Variants in ATP10A observed in about 807,000 individuals in gnomAD.
ATP10A encodes ATPase phospholipid transporting 10A (putative), also known as phospholipid-transporting ATPase VA.
Under a neutral mutation model 147.8 loss-of-function variants are expected in ATP10A, and 111 were observed. The ratio of observed to expected loss-of-function variants is 0.75; its 90% CI spans 0.64 to 0.88. The LOEUF is 0.88. Among genes scored for constraint, ATP10A ranks in the 40% least tolerant of loss-of-function variants. The pLI is 0.00. For missense variants in ATP10A, 1,927 were observed against 1,959.0 expected, an observed-to-expected ratio of 0.98 and a Z score of 0.31; for synonymous variants, 875 against 841.6, an observed-to-expected ratio of 1.04 and a Z score of -0.69.
intron 1 of ATP10A, among the ~76,000 whole-genome samples, chr15:25,806,453 T>C (rs1157816826): frequency 2.6e-5 from 4 of 151,906 alleles, no homozygotes; most frequent in South Asian, 2.1e-4. Context: ...CCTGGGACTA[T>C]AGGCGCCTGC....
intron 13 of ATP10A, 112 bp downstream of exon 13, chr15:25,701,804 G>T: frequency 9.3e-7 from 1 of 1,070,862 alleles, no homozygotes; most frequent in Non-Finnish European, 1.3e-6. Context: ...GAATGCGGAG[G>T]GTGAGGTCCT....
intron 12 of ATP10A, among the ~76,000 whole-genome samples, chr15:25,704,674 A>G (rs1356191046): frequency 6.6e-6 from 1 of 152,196 alleles, no homozygotes; most frequent in East Asian, 1.9e-4. Flanking sequence ...CTGAAAAAGG[A>G]GTTATGGGAG....
In ATP10A at chr15:25,683,422, T is replaced by G. The variant is rs1479575140; in HGVS notation, c.3356A>C (p.Asp1119Ala). 1.2e-6 allele frequency: 2 copies of G among 1,613,850 alleles called. No individual in the cohort carries two copies. The highest frequency in any genetic ancestry group is 1.7e-6 in the Non-Finnish European group (2 of 1,180,010). ...ATTAAAGAAGATTAGATACCACTGGTCAATCATGGTAGATGCAGAGAAGCC... is the reference window on the plus strand; with the variant it reads ...ATTAAAGAAGATTAGATACCACTGGGCAATCATGGTAGATGCAGAGAAGCC... ...FCGFSASTMI[D>A]QWYLIFFNLL... Residue 1119 changes from aspartate (D) to alanine (A), a missense_variant, in exon 17 of 21, where the codon GAC becomes GCC. Asp to Ala is a moderately radical substitution (Grantham distance 126). Transcript: ENST00000555815.
chr15:25,810,170 C>T lies in ATP10A; in HGVS notation c.450-28947G>A, dbSNP rs541004670. Among the ~76,000 whole-genome samples, 4 of 152,168 alleles carry T rather than the reference C, an allele frequency of 2.6e-5. No homozygotes were observed. In the South Asian group the frequency reaches 8.3e-4, roughly 32 times the overall value. On this transcript the variant is annotated intron_variant, in intron 1 of 20. Coordinates refer to ENST00000555815, the MANE Select transcript of ATP10A (RefSeq NM_024490.4). ...GGACGTGTTGGGGAGATGATGGATG[C>T]GGGGCTAGAGCAGGAAAACCATTCT... is the stretch of plus-strand genomic sequence containing the variant.
At chr15:25,687,971 A>G (rs2140300446) in intron 15 of ATP10A, 143 bp from the exon 16 acceptor site, 1 of 1,098,844 alleles carries the variant, frequency 9.1e-7, no homozygotes, top group Non-Finnish European at 1.4e-6. Flanking sequence ...CAGGGTCTCC[A>G]TCGCTGTCGT....
intron 1 of ATP10A, among the ~76,000 whole-genome samples, chr15:25,819,499 T>C (rs1431894985): frequency 6.6e-6 from 1 of 151,930 alleles, no homozygotes; most frequent in Non-Finnish European, 1.5e-5. Flanking sequence ...TACAAATCTA[T>C]GGAAAACAAT....
At chr15:25,810,972 T>A (rs372592165) in intron 1 of ATP10A, among the ~76,000 whole-genome samples, 1 of 152,160 alleles carries the variant, frequency 6.6e-6, no homozygotes, top group Non-Finnish European at 1.5e-5. Context: ...TAGCTTTACA[T>A]ATAATGAAGC....
chr15:25,822,046 T>G (rs1293458437), intron 1 of ATP10A, among the ~76,000 whole-genome samples: 2 of 152,208 alleles, frequency 1.3e-5, no homozygotes, highest in Admixed American at 6.5e-5. Context: ...GCATATAATC[T>G]ATACACATCC....
At chr15:25,706,125 C>A (rs1415799322) in intron 12 of ATP10A, among the ~76,000 whole-genome samples, 1 of 152,114 alleles carries the variant, frequency 6.6e-6, no homozygotes, top group Admixed American at 6.5e-5. Flanking sequence ...TTATAGAATC[C>A]AAGCAAGGAA....
chr15:25,810,208 T>C (rs957467784), intron 1 of ATP10A, among the ~76,000 whole-genome samples: 2 of 152,072 alleles, frequency 1.3e-5, no homozygotes, highest in Admixed American at 6.5e-5. Context: ...TGCTCCTCAT[T>C]TCCCCCCAGA....
At position 25,714,040 on chromosome 15, in the gene ATP10A, G is replaced by A; in HGVS notation, c.1978C>T (p.Gln660Ter). 3 of 1,611,748 alleles carry A rather than the reference G, an allele frequency of 1.9e-6. No individual in the cohort carries two copies. Among genetic ancestry groups the A allele is most frequent in the Non-Finnish European group, 2.5e-6 (3 of 1,179,940 alleles). The change falls in exon 10 of 21, where the codon CAG (glutamine) becomes TAG (stop). Residue 660 changes from glutamine to a stop codon, truncating the protein, a stop_gained. Coordinates refer to ENST00000555815, the MANE Select transcript of ATP10A (RefSeq NM_024490.4). LOFTEE classifies it high-confidence loss of function. ...TTGCTGGCGATGGCCGAGGTGGGCT[G>A]GCCCAGCCTCTCCTCCAGCCTGAGA... The part of the protein sequence containing the change: ...MLLRLEERLG[Q>*]PTSAIASNGY...
intron 2 of ATP10A, among the ~76,000 whole-genome samples, chr15:25,746,653 A>C (rs1261954402): frequency 2.0e-5 from 3 of 152,250 alleles, no homozygotes; most frequent in African/African-American, 7.2e-5. Flanking sequence ...ATCAGAATTC[A>C]CCATAAAAAG....
chr15:25,712,934 A>G (rs1901531003), intron 10 of ATP10A, among the ~76,000 whole-genome samples: 1 of 152,202 alleles, frequency 6.6e-6, no homozygotes, highest in African/African-American at 2.4e-5. Context: ...CTGGCAAGAA[A>G]GGCCAGTGGG....
At chr15:25,715,774 C>G (rs1901760008) in intron 9 of ATP10A, among the ~76,000 whole-genome samples, 1 of 152,226 alleles carries the variant, frequency 6.6e-6, no homozygotes, top group African/African-American at 2.4e-5. Flanking sequence ...CCACCTTGTT[C>G]ACCCCACATC....
intron 10 of ATP10A, among the ~76,000 whole-genome samples, chr15:25,712,256 G>T (rs1901474774): frequency 6.6e-6 from 1 of 152,348 alleles, no homozygotes; most frequent in East Asian, 1.9e-4. Flanking sequence ...CTTAGTGACA[G>T]CAGTTCTTTT....
intron 14 of ATP10A, 115 bp from the exon 15 acceptor site, chr15:25,691,906 T>C: frequency 1.7e-6 from 2 of 1,160,358 alleles, no homozygotes; most frequent in Non-Finnish European, 2.6e-6. Flanking sequence ...GAAAGCGTCC[T>C]GGGGAAGATG....
chr15:25,693,539 G>A (rs984359541), intron 14 of ATP10A, among the ~76,000 whole-genome samples: 2 of 61,218 alleles, frequency 3.3e-5, no homozygotes, highest in Non-Finnish European at 9.0e-5. Context: ...CGTTGTCCTC[G>A]TGCTCCCAGG....
At chr15:25,747,388 CTA>C (rs2140534256) in intron 2 of ATP10A, among the ~76,000 whole-genome samples, 1 of 150,624 alleles carries the variant, frequency 6.6e-6, no homozygotes, top group South Asian at 2.1e-4. Context: ...GTCTACTTGA[CTA>C]TATTAAGGAA....
chr15:25,684,062 T>A (rs1166363386), intron 16 of ATP10A: 1 of 152,942 alleles, frequency 6.5e-6, no homozygotes, highest in Non-Finnish European at 1.5e-5. Context: ...ATCGCTGCAG[T>A]GACCTGATTG....
Sources: allele counts gnomAD v4.1 joint callset (sites outside exome capture counted in the v4.1 genomes callset), GRCh38; gene constraint gnomAD v4.1.1; transcripts MANE v1.5; gene names NCBI Gene and HGNC (gene_info 2026-07-23, HGNC 2026-07-21).